Variants in NRXN3 observed in about 807,000 individuals in gnomAD.
NRXN3 encodes neurexin 3.
Under a neutral mutation model 137.6 loss-of-function variants are expected in NRXN3, and 32 were observed. The ratio of observed to expected loss-of-function variants is 0.23; its 90% confidence interval spans 0.18 to 0.31. NRXN3 has a LOEUF of 0.31. NRXN3 is among the 10% of genes least tolerant of loss of function. The probability of loss-of-function intolerance (pLI) is 1.00; values close to 1 mark genes in which losing one functional copy is unlikely to be tolerated. For synonymous variants in NRXN3, 798 were observed against 784.5 expected (o/e 1.02, Z -0.29); for missense variants, 1,574 against 2,062.5 (o/e 0.76, Z 4.59).
chr14:78,980,943 C>A (rs2099487773), intron 14 of NRXN3, among the ~76,000 whole-genome samples: 2 of 152,020 alleles, frequency 1.3e-5, no homozygotes, highest in African/African-American at 4.8e-5. Flanking sequence ...TTATACCATT[C>A]CTATACAGGA....
chr14:79,016,202 G>A (rs2099578965), intron 15 of NRXN3, among the ~76,000 whole-genome samples: 1 of 152,062 alleles, frequency 6.6e-6, no homozygotes, highest in African/African-American at 2.4e-5. Flanking sequence ...TATACACCTG[G>A]GACCTCTAAG....
rs1277575984 is a variant in NRXN3, at chr14:78,432,804, A to G, written c.757+134944A>G. Among the ~76,000 whole-genome samples, 6 of 152,170 alleles carry G rather than the reference A, an allele frequency of 3.9e-5. No individual in the cohort carries two copies. In the South Asian group the frequency reaches 8.3e-4, roughly 21 times the overall value. On this transcript the variant is annotated intron_variant, in intron 4 of 20. Coordinates refer to ENST00000335750, the MANE Select transcript of NRXN3 (RefSeq NM_001330195.2). The stretch of plus-strand genomic sequence containing the variant: ...TCAGGAATGTCTGACCAATGGGGAA[A>G]CTGTGGCAGTAAGGAGTGGAGAAAA...
chr14:79,722,233 A>G (rs759822007), intron 19 of NRXN3, among the ~76,000 whole-genome samples: 4 of 152,052 alleles, frequency 2.6e-5, no homozygotes, highest in Non-Finnish European at 4.4e-5. Context: ...AATGTCTTCA[A>G]TGGTTTCCTG....
At chr14:79,682,714 A>G (rs573294130) in intron 17 of NRXN3, among the ~76,000 whole-genome samples, 1 of 152,282 alleles carries the variant, frequency 6.6e-6, no homozygotes, top group East Asian at 1.9e-4. Flanking sequence ...TAGAGAATAT[A>G]TATTTCTTAG....
intron 15 of NRXN3, among the ~76,000 whole-genome samples, chr14:79,111,054 T>G (rs2053427781): frequency 6.6e-6 from 1 of 152,116 alleles, no homozygotes; most frequent in African/African-American, 2.4e-5. Context: ...CCTCCCAAAG[T>G]GCTGGGAGTA....
intron 19 of NRXN3, among the ~76,000 whole-genome samples, chr14:79,714,220 T>C (rs566083295): frequency 2.0e-5 from 3 of 152,318 alleles, no homozygotes; most frequent in African/African-American, 4.8e-5. Flanking sequence ...CAGTACACAA[T>C]TCCAATAGGA....
At chr14:78,345,641 G>A (rs2082644714) in intron 4 of NRXN3, among the ~76,000 whole-genome samples, 1 of 152,058 alleles carries the variant, frequency 6.6e-6, no homozygotes, top group African/African-American at 2.4e-5. Context: ...CCACTTCTCA[G>A]TCTCGATGGA....
At chr14:79,579,040 G>A (rs1172687330) in intron 16 of NRXN3, among the ~76,000 whole-genome samples, 1 of 151,930 alleles carries the variant, frequency 6.6e-6, no homozygotes, top group Non-Finnish European at 1.5e-5. Context: ...CAATTTACAA[G>A]TTAGAAGCAT....
At chr14:79,737,420 A>G (rs1257430029) in intron 19 of NRXN3, among the ~76,000 whole-genome samples, 1 of 152,206 alleles carries the variant, frequency 6.6e-6, no homozygotes, top group Non-Finnish European at 1.5e-5. Context: ...CTTCTGTGCC[A>G]CTGAGTCCTC....
At chr14:79,683,847 G>T (rs1029480180) in intron 17 of NRXN3, among the ~76,000 whole-genome samples, 1 of 152,106 alleles carries the variant, frequency 6.6e-6, no homozygotes, top group African/African-American at 2.4e-5. Context: ...AGTCTAGCTT[G>T]CTCGAAATGA....
intron 10 of NRXN3, among the ~76,000 whole-genome samples, chr14:78,889,695 G>A (rs1245470283): frequency 1.3e-5 from 2 of 151,944 alleles, no homozygotes; most frequent in East Asian, 1.9e-4. Context: ...CAAAGCTCTG[G>A]CCTCAAGGAT....
At chr14:78,631,952 A>G (rs2097526408) in intron 4 of NRXN3, among the ~76,000 whole-genome samples, 2 of 151,986 alleles carry the variant, frequency 1.3e-5, no homozygotes, top group Non-Finnish European at 2.9e-5. Context: ...CTAAAAAAAA[A>G]AAATACAAAA....
chr14:78,382,002 C>G (rs1401574076), intron 4 of NRXN3, among the ~76,000 whole-genome samples: 2 of 152,088 alleles, frequency 1.3e-5, no homozygotes, highest in African/African-American at 4.8e-5. Flanking sequence ...TTTCCTGTAT[C>G]TTGATGGTAT....
intron 4 of NRXN3, among the ~76,000 whole-genome samples, chr14:78,631,019 T>C (rs1049083258): frequency 6.6e-6 from 1 of 152,220 alleles, no homozygotes; most frequent in African/African-American, 2.4e-5. Flanking sequence ...TAAGTTTTTA[T>C]TGTAAATTAT....
intron 15 of NRXN3, among the ~76,000 whole-genome samples, chr14:79,025,845 G>A (rs776052512): frequency 2.0e-5 from 3 of 152,088 alleles, no homozygotes; most frequent in Non-Finnish European, 4.4e-5. Context: ...CCAGGGTGAG[G>A]CAGCTGTTTA....
intron 4 of NRXN3, among the ~76,000 whole-genome samples, chr14:78,629,080 C>G (rs2097495579): frequency 6.6e-6 from 1 of 152,118 alleles, no homozygotes. Flanking sequence ...AGAGCTAAAG[C>G]CCTGATACAC....
chr14:79,390,183 GGCGGGCACCTGTAGTCCCA>G (rs755881312), intron 15 of NRXN3, among the ~76,000 whole-genome samples: 6 of 152,022 alleles, frequency 3.9e-5, no homozygotes, highest in Non-Finnish European at 7.4e-5. Flanking sequence ...CGGGCGCGGT[GGCGGGCACCTGTAGTCCCA>G]GCTACTCGGG....
At chr14:78,991,069 A>T (rs2099517787) in intron 15 of NRXN3, among the ~76,000 whole-genome samples, 1 of 152,240 alleles carries the variant, frequency 6.6e-6, no homozygotes, top group South Asian at 2.1e-4. Flanking sequence ...GTTAACCTTC[A>T]TCATCACCGG....
chr14:79,023,906 C>T (rs1186861176), intron 15 of NRXN3, among the ~76,000 whole-genome samples: 3 of 152,008 alleles, frequency 2.0e-5, no homozygotes, highest in African/African-American at 4.8e-5. Flanking sequence ...GGGTGCCCAG[C>T]ATTGTAAGAA....
Sources: allele counts gnomAD v4.1 joint callset (sites outside exome capture counted in the v4.1 genomes callset), GRCh38; gene constraint gnomAD v4.1.1; transcripts MANE v1.5; gene names NCBI Gene and HGNC (gene_info 2026-07-23, HGNC 2026-07-21).